TBC1D1: variants seen among roughly 807,000 people sequenced by gnomAD.
TBC1D1 encodes the protein TBC1 (tre-2/USP6, BUB2, cdc16) domain family, member 1.
In TBC1D1, 89 loss-of-function variants were observed where a neutral mutation model predicts 125.6. That is an observed-to-expected ratio of 0.71 (90% CI 0.60 to 0.85). TBC1D1 has a LOEUF of 0.85. Ranked by LOEUF, TBC1D1 falls within the 40% of genes least tolerant of loss-of-function variation. The probability of loss-of-function intolerance (pLI) is 0.00; values close to 1 mark genes in which losing one functional copy is unlikely to be tolerated. For missense variants in TBC1D1, 1,377 were observed against 1,469.2 expected (o/e 0.94, Z 1.03); for synonymous variants, 565 against 564.1 (o/e 1.00, Z -0.02).
At chr4:38,009,147 C>T (rs922427876) in intron 2 of TBC1D1, among the ~76,000 whole-genome samples, 3 of 152,168 alleles carry the variant, frequency 2.0e-5, no homozygotes, top group Non-Finnish European at 2.9e-5. Flanking sequence ...TTATACCTTA[C>T]GACCAACAAA....
intron 2 of TBC1D1, chr4:37,952,226 C>T (rs989924050): frequency 2.5e-5 from 15 of 605,544 alleles, no homozygotes; most frequent in East Asian, 5.6e-5. Context: ...TTGTGATCTT[C>T]GCTGAGTCTG....
At chr4:38,010,852 T>C (rs1168974889) in intron 2 of TBC1D1, among the ~76,000 whole-genome samples, 1 of 152,122 alleles carries the variant, frequency 6.6e-6, no homozygotes, top group Non-Finnish European at 1.5e-5. Context: ...AACCTCCTCC[T>C]CCGGGCAGGG....
Position 37,905,530 on chromosome 4 carries a change from T to C in TBC1D1, c.417+3018T>C, listed in dbSNP as rs530031463. 2.0e-4 allele frequency among the ~76,000 whole-genome samples: 30 copies of C among 152,294 alleles called. 1 individual carries two copies. The South Asian group carries it at 6.0e-3, about 31-fold the overall frequency. ...GGAAACTCTTGCAAAATTGCTCCTGTTTGATGAGAGGAATGAGCAGGAACA... is the reference window on the plus strand; with the variant it reads ...GGAAACTCTTGCAAAATTGCTCCTGCTTGATGAGAGGAATGAGCAGGAACA... On this transcript the variant is annotated intron_variant, in intron 2 of 19. Transcript: ENST00000261439.
chr4:38,061,390 G>C (rs375636731), intron 12 of TBC1D1, among the ~76,000 whole-genome samples: 2 of 152,096 alleles, frequency 1.3e-5, no homozygotes, highest in African/African-American at 4.8e-5. Context: ...ATAATCCTTT[G>C]TTATTAAGAA....
At chr4:38,100,871 A>G (rs1760196416) in intron 14 of TBC1D1, among the ~76,000 whole-genome samples, 1 of 152,172 alleles carries the variant, frequency 6.6e-6, no homozygotes, top group Non-Finnish European at 1.5e-5. Flanking sequence ...CAAGATAGGA[A>G]CACAAAATAT....
At chr4:37,891,774 C>A (rs1400556429) in intron 1 of TBC1D1, among the ~76,000 whole-genome samples, 1 of 150,892 alleles carries the variant, frequency 6.6e-6, no homozygotes, top group Non-Finnish European at 1.5e-5. Context: ...GTAACTTTGG[C>A]AGCTCCACCA....
Position 38,045,819 on chromosome 4 carries a change from T to C in TBC1D1, c.1545T>C (p.Gly515=). Residue 515 remains glycine (G), a splice_region_variant and synonymous_variant, in exon 10 of 20, where the codon GGT becomes GGC. Coordinates refer to ENST00000261439, the MANE Select transcript of TBC1D1 (RefSeq NM_015173.4). ...TCGACTGCCTTTTCTTTATGTAGGG[T>C]AATAAAGCCAGAGGCCTGCAGGAAC... 6.2e-7 allele frequency: 1 copy of C among 1,613,854 alleles called. No individual in the cohort carries two copies. The highest frequency in any genetic ancestry group is 8.5e-7 in the Non-Finnish European group (1 of 1,179,764).
intron 2 of TBC1D1, among the ~76,000 whole-genome samples, chr4:37,987,788 G>A (rs1735756650): frequency 1.3e-5 from 2 of 152,314 alleles, no homozygotes; most frequent in South Asian, 2.1e-4. Context: ...TTTTCTCGTT[G>A]ACTTGAGTTG....
Position 37,961,297 on chromosome 4 carries a change from C to T in TBC1D1, c.418-53212C>T, listed in dbSNP as rs1345591020. 2.0e-5 allele frequency among the ~76,000 whole-genome samples: 3 copies of T among 152,176 alleles called. 1 individual carries two copies. The highest frequency in any genetic ancestry group is 4.4e-5 in the Non-Finnish European group (3 of 68,020). On this transcript the variant is annotated intron_variant, in intron 2 of 19. Coordinates refer to ENST00000261439, the MANE Select transcript of TBC1D1 (RefSeq NM_015173.4). ...TAAAGGAGAAAAGGCCAGGGCCAGG[C>T]CAAGAACTTCTACATCTTTTCTTCC...
intron 2 of TBC1D1, among the ~76,000 whole-genome samples, chr4:37,953,049 T>C (rs9306953): frequency 0.62 from 94,673 of 152,172 alleles, 30,289 homozygotes; most frequent in East Asian, 0.96. Flanking sequence ...CTGCAGGTAA[T>C]TGGAATCCAT....
At chr4:37,911,629 G>A (rs928383446) in intron 2 of TBC1D1, among the ~76,000 whole-genome samples, 2 of 152,174 alleles carry the variant, frequency 1.3e-5, no homozygotes, top group Non-Finnish European at 2.9e-5. Flanking sequence ...ATCAGGTGAT[G>A]TAGGTATTTG....
intron 2 of TBC1D1, among the ~76,000 whole-genome samples, chr4:37,949,559 T>G (rs549153552): frequency 2.0e-5 from 3 of 152,346 alleles, no homozygotes; most frequent in Non-Finnish European, 4.4e-5. Flanking sequence ...AGCCTGAGGC[T>G]TTCTCAGACT....
At chr4:37,962,259 CAGA>C (rs1193251851) in intron 2 of TBC1D1, among the ~76,000 whole-genome samples, 1 of 152,194 alleles carries the variant, frequency 6.6e-6, no homozygotes, top group Non-Finnish European at 1.5e-5. Flanking sequence ...TCCTCTTCAC[CAGA>C]AGAACTAAAT....
Position 37,920,036 on chromosome 4 carries a change from C to T in TBC1D1, c.417+17524C>T, listed in dbSNP as rs1478710909. On this transcript the variant is annotated intron_variant, in intron 2 of 19. Coordinates refer to ENST00000261439, the MANE Select transcript of TBC1D1 (RefSeq NM_015173.4). ...GCTGAGGCAGGAGAATGGCGTGAAC[C>T]GGTGAGGCGGAGCTTGCAGTGAGCC... 9.9e-5 allele frequency among the ~76,000 whole-genome samples: 15 copies of T among 152,172 alleles called. No homozygotes were observed. In the East Asian group the frequency reaches 2.5e-3, roughly 25 times the overall value.
intron 2 of TBC1D1, among the ~76,000 whole-genome samples, chr4:37,910,088 T>C (rs1718266901): frequency 2.0e-5 from 3 of 152,268 alleles, no homozygotes; most frequent in South Asian, 4.1e-4. Flanking sequence ...CACCTTGTGA[T>C]AGATGCTTAA....
In TBC1D1 at chr4:38,014,986, C is replaced by T. The variant is rs775056923; in HGVS notation, c.882+13C>T. ...TATGCTCTTCACGGTAAAATATCAC[C>T]CAGCTCGTGCACAGCCCCAGTCTGC... On this transcript the variant is annotated intron_variant, in intron 3 of 19. Coordinates refer to ENST00000261439, the MANE Select transcript of TBC1D1 (RefSeq NM_015173.4). The surrounding 1 kb of genome is among the most constrained non-coding windows in gnomAD (Gnocchi z 5.1). 6.6e-7 allele frequency: 1 copy of T among 1,519,160 alleles called. No homozygotes were observed. The highest frequency in any genetic ancestry group is 8.8e-7 in the Non-Finnish European group (1 of 1,130,798). The allele number at this position is 1,519,160 out of a possible 1,614,324, so 94.1% of individuals were successfully genotyped here. A position where few individuals can be genotyped will look rare whatever the true frequency, so the allele number is the denominator to read the frequency against.
chr4:38,116,817 C>G lies in TBC1D1; in HGVS notation c.2802+863C>G, dbSNP rs894956855. ...ATGTTCATTTACTACCAGTAAGATA[C>G]TATGCCTTCAGAGCTCTAGAGAGTA... On this transcript the variant is annotated intron_variant, in intron 16 of 19. Transcript: ENST00000261439. Among the ~76,000 whole-genome samples the G allele has an allele frequency of 5.9e-5, 9 of 152,308 alleles. No individual in the cohort carries two copies. In the East Asian group the frequency reaches 9.6e-4, roughly 16 times the overall value.
chr4:38,032,703 C>T (rs947468493), intron 7 of TBC1D1, among the ~76,000 whole-genome samples: 10 of 151,814 alleles, frequency 6.6e-5, no homozygotes, highest in African/African-American at 2.4e-4. Context: ...GGTGTGATGG[C>T]GGGTGCCTGT....
chr4:38,020,478 C>A, intron 4 of TBC1D1, 113 bp from the exon 5 acceptor site: 1 of 846,856 alleles, frequency 1.2e-6, no homozygotes, highest in Non-Finnish European at 1.8e-6. Flanking sequence ...AATTCCATCT[C>A]AAAAAGATAA....
Sources: gnomAD v4.1 joint callset for allele counts (sites outside exome capture counted in the v4.1 genomes callset) on GRCh38, gnomAD v4.1.1 for gene constraint, Gnocchi (gnomAD v3.1) non-coding constraint, MANE v1.5 for transcripts, NCBI Gene and HGNC (gene_info 2026-07-23, HGNC 2026-07-21) for gene names.